The following PTPRZ1 variants were observed in gnomAD, a reference collection of about 807,000 sequenced individuals.
PTPRZ1 encodes the protein protein tyrosine phosphatase receptor type Z1, also known as receptor-type tyrosine-protein phosphatase zeta.
In PTPRZ1, 82 loss-of-function variants were observed where a neutral mutation model predicts 214.1. The observed-to-expected ratio is 0.38, with a 90% CI of 0.32 to 0.46. The LOEUF (loss-of-function observed/expected upper bound fraction) is 0.46. Among genes scored for constraint, PTPRZ1 ranks in the 20% least tolerant of loss-of-function variants. The probability of loss-of-function intolerance (pLI) is 1.00; values close to 1 mark genes in which losing one functional copy is unlikely to be tolerated. For missense variants in PTPRZ1, 2,603 were observed against 2,748.7 expected, an observed-to-expected ratio of 0.95 and a Z score of 1.19; for synonymous variants, 945 against 987.9, an observed-to-expected ratio of 0.96 and a Z score of 0.81.
At chr7:121,950,301 A>G (rs1380753117) in intron 2 of PTPRZ1, among the ~76,000 whole-genome samples, 1 of 152,220 alleles carries the variant, frequency 6.6e-6, no homozygotes, top group African/African-American at 2.4e-5. Context: ...ATTCAAGATG[A>G]GACTTGGGTG....
At chr7:121,978,996 C>T (rs980558886) in intron 6 of PTPRZ1, among the ~76,000 whole-genome samples, 1 of 151,960 alleles carries the variant, frequency 6.6e-6, no homozygotes, top group Non-Finnish European at 1.5e-5. Context: ...TGGGACTTGT[C>T]TTTAGGCAGT....
At chr7:122,046,725 C>T (rs1791996801) in intron 23 of PTPRZ1, among the ~76,000 whole-genome samples, 1 of 151,976 alleles carries the variant, frequency 6.6e-6, no homozygotes, top group African/African-American at 2.4e-5. Context: ...AGGGAGAAGA[C>T]GTGAGATATT....
intron 23 of PTPRZ1, among the ~76,000 whole-genome samples, chr7:122,048,970 C>T (rs1025131988): frequency 2.0e-5 from 3 of 152,020 alleles, no homozygotes; most frequent in Non-Finnish European, 4.4e-5. Context: ...ATATCAGCAA[C>T]TCAAATCCAG....
chr7:121,897,480 T>C (rs190925324), intron 1 of PTPRZ1, among the ~76,000 whole-genome samples: 7 of 152,270 alleles, frequency 4.6e-5, no homozygotes, highest in African/African-American at 1.7e-4. Flanking sequence ...AGTATGGACA[T>C]TTGTTCTTGT....
chr7:121,918,651 A>G (rs992592596), intron 1 of PTPRZ1, among the ~76,000 whole-genome samples: 1 of 152,142 alleles, frequency 6.6e-6, no homozygotes, highest in African/African-American at 2.4e-5. Flanking sequence ...ACATTCTTTC[A>G]GACATTCTTT....
At chr7:122,038,134 A>G (rs747240487) in intron 18 of PTPRZ1, among the ~76,000 whole-genome samples, 6 of 152,178 alleles carry the variant, frequency 3.9e-5, no homozygotes, top group Non-Finnish European at 7.3e-5. Context: ...AATCACCCTC[A>G]TGATTCCATT....
chr7:121,943,622 G>A, intron 2 of PTPRZ1, among the ~76,000 whole-genome samples: 1 of 152,192 alleles, frequency 6.6e-6, no homozygotes. Context: ...ACAGGCGTGA[G>A]CCACTGCGCC....
Position 122,060,963 on chromosome 7 carries a change from T to C in PTPRZ1, c.6808-117T>C, listed in dbSNP as rs1792557212. On this transcript the variant is annotated intron_variant, in intron 29 of 29. Coordinates refer to ENST00000393386, the MANE Select transcript of PTPRZ1 (RefSeq NM_002851.3). ...CATCTGCTGAGTATAACAGTGCCCT[T>C]AACACATTGCCCTTTCATGAACAGT... is the stretch of plus-strand genomic sequence containing the variant. The C allele has an allele frequency of 6.1e-6, 6 of 977,352 alleles. No homozygotes were observed. The East Asian group carries it at 1.7e-4, about 27-fold the overall frequency. 60.5% of individuals were successfully genotyped at this position (977,352 alleles called of 1,614,324 possible).
At chr7:121,922,877 G>C (rs993657555) in intron 1 of PTPRZ1, among the ~76,000 whole-genome samples, 1 of 151,906 alleles carries the variant, frequency 6.6e-6, no homozygotes, top group African/African-American at 2.4e-5. Context: ...ATATTTTTTG[G>C]ATTATTTCAT....
intron 1 of PTPRZ1, among the ~76,000 whole-genome samples, chr7:121,901,176 G>A (rs990505126): frequency 2.0e-5 from 3 of 152,112 alleles, no homozygotes; most frequent in African/African-American, 7.2e-5. Flanking sequence ...TAGTAACAGA[G>A]AGCAATGTTA....
rs149075419 is a variant in PTPRZ1 at position 121,993,660 on chromosome 7, T to C, written c.929-2722T>C. Among the ~76,000 whole-genome samples, 1,254 of 151,514 alleles carry C rather than the reference T, an allele frequency of 8.3e-3. 17 individuals carry two copies. The highest frequency in any genetic ancestry group is 0.028 in the African/African-American group (1,176 of 41,268). On this transcript the variant is annotated intron_variant, in intron 8 of 29. Transcript: ENST00000393386. ...GGAAATATATGCAAAACCTGGGAAATTTAGTGTCTATTAATCACTTCTTCT... is the reference window on the plus strand; with the variant it reads ...GGAAATATATGCAAAACCTGGGAAACTTAGTGTCTATTAATCACTTCTTCT...
chr7:121,977,540 T>C (rs1008705822), intron 6 of PTPRZ1, among the ~76,000 whole-genome samples: 1 of 152,204 alleles, frequency 6.6e-6, no homozygotes, highest in African/African-American at 2.4e-5. Context: ...ATTATTCCTC[T>C]CTGGAAGCTG....
chr7:121,974,556 C>T (rs533985181), intron 4 of PTPRZ1, among the ~76,000 whole-genome samples: 15 of 152,224 alleles, frequency 9.9e-5, no homozygotes, highest in African/African-American at 2.9e-4. Flanking sequence ...GGCATGATCT[C>T]GGCTCACTGC....
In PTPRZ1 at chr7:121,976,247, A is replaced by G. The variant is rs775849206; in HGVS notation, c.531A>G (p.Arg177=). The change falls in exon 5 of 30, where the codon AGA becomes AGG. Residue 177 remains arginine (R), a synonymous_variant. Coordinates refer to ENST00000393386, the MANE Select transcript of PTPRZ1 (RefSeq NM_002851.3). ...CAGTCAAAGGAAAAGGGAAGTTAAG[A>G]GCTTTATCCATTTTGTTTGAGGTAA... ...EEAVKGKGKL[R]ALSILFEVGT... 1.1e-5 allele frequency: 17 copies of G among 1,605,288 alleles called. No homozygotes were observed. The South Asian group carries it at 1.9e-4, about 18-fold the overall frequency.
At chr7:122,017,676 C>T (rs1433351440) in intron 12 of PTPRZ1, among the ~76,000 whole-genome samples, 3 of 151,982 alleles carry the variant, frequency 2.0e-5, no homozygotes, top group African/African-American at 7.2e-5. Flanking sequence ...ATTCTCCTGA[C>T]TCAGCTTCCC....
intron 2 of PTPRZ1, among the ~76,000 whole-genome samples, chr7:121,933,739 T>C (rs1250336687): frequency 1.3e-5 from 2 of 152,202 alleles, no homozygotes; most frequent in South Asian, 4.1e-4. Context: ...TGGCTTTTAT[T>C]TTTGGTTTAG....
chr7:122,028,693 A>G, intron 14 of PTPRZ1, 50 bp downstream of exon 14: 9 of 1,378,744 alleles, frequency 6.5e-6, no homozygotes, highest in Non-Finnish European at 9.3e-6. Context: ...TTGAACAAAA[A>G]GCACAATGTT....
intron 13 of PTPRZ1, among the ~76,000 whole-genome samples, chr7:122,024,040 C>T (rs767121915): frequency 1.6e-4 from 25 of 151,634 alleles, no homozygotes; most frequent in Admixed American, 1.3e-3. Flanking sequence ...TAGCAGGTGA[C>T]GTAGTTATCA....
chr7:122,004,473 T>TA (rs1798422433), intron 10 of PTPRZ1, 141 bp from the exon 11 acceptor site: 29 of 555,364 alleles, frequency 5.2e-5, no homozygotes, highest in South Asian at 5.1e-4. Flanking sequence ...TTGGAATTTT[T>TA]ATTGTGAGAA....
Sources: allele counts gnomAD v4.1 joint callset (sites outside exome capture counted in the v4.1 genomes callset), GRCh38; gene constraint gnomAD v4.1.1; transcripts MANE v1.5; gene names NCBI Gene and HGNC (gene_info 2026-07-23, HGNC 2026-07-21).